Variants in FBXW2 observed in about 807,000 individuals in gnomAD.
The protein encoded by FBXW2 is F-box/WD repeat-containing protein 2.
FBXW2 carries 12 observed loss-of-function variants against 46.0 expected under a neutral mutation model. The ratio of observed to expected loss-of-function variants is 0.26; its 90% CI spans 0.17 to 0.42. The LOEUF (loss-of-function observed/expected upper bound fraction) is 0.42, where lower values mean the gene tolerates loss of function less well. FBXW2 is among the 10% of genes least tolerant of loss of function. The pLI is 1.00. For synonymous variants in FBXW2, 203 were observed against 209.6 expected (o/e 0.97, Z 0.27); for missense variants, 360 against 537.0 (o/e 0.67, Z 3.26).
At chr9:120,775,599 T>C (rs1337828887) in intron 5 of FBXW2, among the ~76,000 whole-genome samples, 2 of 151,980 alleles carry the variant, frequency 1.3e-5, no homozygotes, top group Admixed American at 6.6e-5. Context: ...AACAATCTTG[T>C]TTTTTTTAAA....
In FBXW2 at chr9:120,787,853, G is replaced by C. The variant is rs763455622; in HGVS notation, c.406C>G (p.His136Asp). 5.6e-6 allele frequency: 9 copies of C among 1,614,142 alleles called. No homozygotes were observed. In the South Asian group the frequency reaches 6.6e-5, roughly 12 times the overall value. Residue 136 changes from histidine (H) to aspartate (D), a missense_variant, in exon 3 of 8, where the codon CAT becomes GAT. Physicochemically the swap from His to Asp is moderately conservative, Grantham distance 81. Coordinates refer to ENST00000608872, the MANE Select transcript of FBXW2 (RefSeq NM_012164.4). ...AILRMKQLED[H>D]EAFETSSLIG... ...AATGACGAGGTTTCAAAGGCTTCAT[G>C]GTCCTCCAGTTGCTTCATTCTCAAA...
chr9:120,792,799 AAGCC>A (rs1420201364), intron 2 of FBXW2: 1 of 1,143,540 alleles, frequency 8.7e-7, no homozygotes, highest in African/African-American at 1.6e-5. Flanking sequence ...GGCACGCTGT[AAGCC>A]TACAGTAAAT....
chr9:120,770,142 C>T (rs1482383683), intron 7 of FBXW2, among the ~76,000 whole-genome samples: 1 of 152,016 alleles, frequency 6.6e-6, no homozygotes, highest in Non-Finnish European at 1.5e-5. Context: ...TTTGGGAGGC[C>T]GAGGCGGGTG....
At chr9:120,774,259 C>A (rs2044442847) in intron 5 of FBXW2, among the ~76,000 whole-genome samples, 1 of 150,368 alleles carries the variant, frequency 6.7e-6, no homozygotes, top group South Asian at 2.1e-4. Context: ...ATCACTTGAA[C>A]CCGGCAGATG....
intron 7 of FBXW2, among the ~76,000 whole-genome samples, chr9:120,769,779 A>G (rs962546533): frequency 6.6e-6 from 1 of 152,222 alleles, no homozygotes; most frequent in Non-Finnish European, 1.5e-5. Flanking sequence ...GAATACAGTG[A>G]GAGGTGGAAT....
At chr9:120,771,578 T>G in intron 6 of FBXW2, 61 bp from the exon 7 acceptor site, 1 of 1,457,818 alleles carries the variant, frequency 6.9e-7, no homozygotes, top group East Asian at 2.3e-5. Context: ...AAGCTTGTCC[T>G]TAAAATGGTC....
chr9:120,787,830 T>C lies in FBXW2; in HGVS notation c.429A>G (p.Ser143=). Residue 143 remains serine (S), a synonymous_variant, in exon 3 of 8, where the codon TCA becomes TCG. Coordinates refer to ENST00000608872, the MANE Select transcript of FBXW2 (RefSeq NM_012164.4). ...ACACTCTGGCACTGTGTCCAATTAA[T>C]GACGAGGTTTCAAAGGCTTCATGGT... ...LEDHEAFETS[S]LIGHSARVYA... 6.2e-7 allele frequency: 1 copy of C among 1,614,228 alleles called. No individual in the cohort carries two copies. Among genetic ancestry groups the C allele is most frequent in the Non-Finnish European group, 8.5e-7 (1 of 1,180,034 alleles).
intron 6 of FBXW2, among the ~76,000 whole-genome samples, 184 bp downstream of exon 6, chr9:120,772,570 T>G (rs1445346948): frequency 6.6e-6 from 1 of 152,174 alleles, no homozygotes; most frequent in East Asian, 1.9e-4. Context: ...CAAATCCAAG[T>G]TAAGAAACTA....
At chr9:120,775,598 G>GT (rs971306404) in intron 5 of FBXW2, among the ~76,000 whole-genome samples, 25 of 151,484 alleles carry the variant, frequency 1.7e-4, no homozygotes, top group Non-Finnish European at 2.9e-4. Context: ...CAACAATCTT[G>GT]TTTTTTTTAA....
intron 2 of FBXW2, among the ~76,000 whole-genome samples, chr9:120,791,009 G>C (rs1275708550): frequency 6.6e-6 from 1 of 152,110 alleles, no homozygotes; most frequent in Admixed American, 6.5e-5. Context: ...GTAAGATTGA[G>C]CAGTTCACCT....
intron 5 of FBXW2, among the ~76,000 whole-genome samples, chr9:120,775,724 GT>G (rs1332367928): frequency 6.6e-6 from 1 of 152,062 alleles, no homozygotes; most frequent in Non-Finnish European, 1.5e-5. Flanking sequence ...AAAGAAACAT[GT>G]TTATTCTAAA....
chr9:120,776,635 C>G (rs2044502651), intron 4 of FBXW2: 1 of 154,266 alleles, frequency 6.5e-6, no homozygotes, highest in African/African-American at 2.4e-5. Flanking sequence ...AGCTGCAAAA[C>G]AGCACCCAGA....
chr9:120,787,605 AG>A (rs2044750611), intron 3 of FBXW2, among the ~76,000 whole-genome samples, 163 bp downstream of exon 3: 1 of 152,156 alleles, frequency 6.6e-6, no homozygotes, highest in African/African-American at 2.4e-5. Flanking sequence ...TCTAGAGAGA[AG>A]GAAGAGGATA....
intron 3 of FBXW2, among the ~76,000 whole-genome samples, chr9:120,785,353 G>T (rs2044698736): frequency 6.6e-6 from 1 of 152,126 alleles, no homozygotes; most frequent in African/African-American, 2.4e-5. Context: ...AAAGAGACAT[G>T]GAAAAGCCAT....
intron 5 of FBXW2, among the ~76,000 whole-genome samples, chr9:120,774,536 T>C (rs1386007828): frequency 6.6e-6 from 1 of 152,090 alleles, no homozygotes; most frequent in Non-Finnish European, 1.5e-5. Flanking sequence ...CAAATGATTC[T>C]TCTTTGTTTC....
intron 2 of FBXW2, among the ~76,000 whole-genome samples, chr9:120,791,562 G>A (rs536086655): frequency 1.3e-5 from 2 of 151,998 alleles, no homozygotes; most frequent in African/African-American, 4.8e-5. Flanking sequence ...AAACTCAAAT[G>A]GTACTTTTTG....
intron 7 of FBXW2, among the ~76,000 whole-genome samples, chr9:120,768,771 G>A (rs1032679662): frequency 1.3e-5 from 2 of 150,878 alleles, no homozygotes; most frequent in East Asian, 2.0e-4. Flanking sequence ...GCAGTGAGCC[G>A]AGATCACACC....
chr9:120,779,778 G>C (rs916344631), intron 3 of FBXW2, among the ~76,000 whole-genome samples: 22 of 152,144 alleles, frequency 1.4e-4, no homozygotes, highest in Non-Finnish European at 5.9e-5. Flanking sequence ...GAGAGCCAAT[G>C]GTCTAGAACG....
chr9:120,774,283 G>A (rs1169971345), intron 5 of FBXW2, among the ~76,000 whole-genome samples: 2 of 145,152 alleles, frequency 1.4e-5, no homozygotes, highest in Non-Finnish European at 3.0e-5. Context: ...GCTGCAGTGA[G>A]CCGAGATCGT....
Sources: gnomAD v4.1 joint callset for allele counts (sites outside exome capture counted in the v4.1 genomes callset) on GRCh38, gnomAD v4.1.1 for gene constraint, MANE v1.5 for transcripts, NCBI Gene and HGNC (gene_info 2026-07-23, HGNC 2026-07-21) for gene names.